The following DOCK1 variants were observed in gnomAD, a reference collection of about 807,000 sequenced individuals.
The protein encoded by DOCK1 is dedicator of cytokinesis 1.
A neutral mutation model predicts 262.7 loss-of-function variants in DOCK1; 138 were observed. The observed-to-expected ratio is 0.53, with a 90% CI of 0.46 to 0.61. The LOEUF is 0.61. Among genes scored for constraint, DOCK1 ranks in the 20% least tolerant of loss-of-function variants. The probability of loss-of-function intolerance (pLI) is 0.00; values close to 1 mark genes in which losing one functional copy is unlikely to be tolerated. For missense variants in DOCK1, 1,908 were observed against 2,370.7 expected (o/e 0.80, Z 4.05); for synonymous variants, 866 against 867.4 (o/e 1.00, Z 0.03).
At chr10:126,916,607 G>T (rs570541588) in intron 1 of DOCK1, among the ~76,000 whole-genome samples, 3 of 152,026 alleles carry the variant, frequency 2.0e-5, no homozygotes, top group Non-Finnish European at 2.9e-5. Flanking sequence ...ACTCTGCCTC[G>T]AAATAACTCA....
intron 23 of DOCK1, among the ~76,000 whole-genome samples, 174 bp from the exon 24 acceptor site, chr10:127,106,057 G>A (rs902582620): frequency 2.0e-5 from 3 of 152,134 alleles, no homozygotes; most frequent in Admixed American, 6.5e-5. Context: ...GAGCCACTGC[G>A]CCTGATGACT....
intron 23 of DOCK1, among the ~76,000 whole-genome samples, chr10:127,080,865 G>A (rs1374761874): frequency 6.6e-6 from 1 of 152,098 alleles, no homozygotes; most frequent in African/African-American, 2.4e-5. Context: ...ATTTGCCTCT[G>A]TACTCTCCGC....
At chr10:127,115,120 G>A (rs2049103716) in intron 25 of DOCK1, among the ~76,000 whole-genome samples, 1 of 152,128 alleles carries the variant, frequency 6.6e-6, no homozygotes, top group Non-Finnish European at 1.5e-5. Flanking sequence ...TGCCATCACA[G>A]CATTCCATTT....
At chr10:127,427,875 G>A (rs1290108316) in intron 47 of DOCK1, among the ~76,000 whole-genome samples, 1 of 152,238 alleles carries the variant, frequency 6.6e-6, no homozygotes, top group Admixed American at 6.5e-5. Context: ...AGGCCCAGCA[G>A]GGCTTGAACC....
At chr10:126,941,635 A>G (rs931972238) in intron 1 of DOCK1, among the ~76,000 whole-genome samples, 29 of 152,238 alleles carry the variant, frequency 1.9e-4, no homozygotes, top group Non-Finnish European at 3.4e-4. Context: ...GGGTGCCTGT[A>G]GTCCCGCTAC....
chr10:127,337,832 G>A (rs187676219), intron 29 of DOCK1, among the ~76,000 whole-genome samples: 38 of 152,326 alleles, frequency 2.5e-4, no homozygotes, highest in Middle Eastern at 3.4e-3. Context: ...TAATGTCTGC[G>A]AATCCCTTTC....
chr10:127,282,155 C>A (rs1564962371), intron 29 of DOCK1, among the ~76,000 whole-genome samples: 1 of 152,134 alleles, frequency 6.6e-6, no homozygotes, highest in Non-Finnish European at 1.5e-5. Context: ...GACAGAAGAA[C>A]TTGCAGCTTT....
intron 30 of DOCK1, among the ~76,000 whole-genome samples, chr10:127,340,396 G>GT (rs934506194): frequency 2.0e-5 from 3 of 151,630 alleles, no homozygotes; most frequent in Non-Finnish European, 4.4e-5. Flanking sequence ...GCCTGTGTGT[G>GT]TTTTTTTTCA....
chr10:127,373,440 T>C (rs2065315822), intron 33 of DOCK1, among the ~76,000 whole-genome samples: 1 of 152,172 alleles, frequency 6.6e-6, no homozygotes, highest in African/African-American at 2.4e-5. Context: ...ATGTTACGTG[T>C]TTGTAGAGAT....
At chr10:127,406,612 C>T (rs967023795) in intron 40 of DOCK1, among the ~76,000 whole-genome samples, 1 of 152,184 alleles carries the variant, frequency 6.6e-6, no homozygotes, top group African/African-American at 2.4e-5. Flanking sequence ...AACTGACTAG[C>T]TGTCCCTTTT....
chr10:126,953,032 G>A (rs1246109090), intron 1 of DOCK1, among the ~76,000 whole-genome samples: 1 of 151,738 alleles, frequency 6.6e-6, no homozygotes, highest in Non-Finnish European at 1.5e-5. Context: ...TGGTGCTGCT[G>A]GTGGTGGTAG....
chr10:127,436,756 T>G (rs1179283595), intron 48 of DOCK1, among the ~76,000 whole-genome samples: 1 of 152,178 alleles, frequency 6.6e-6, no homozygotes, highest in East Asian at 1.9e-4. Flanking sequence ...TTATATAAAC[T>G]ATAGTAATAT....
At chr10:127,010,405 T>C (rs2041337834) in intron 11 of DOCK1, among the ~76,000 whole-genome samples, 1 of 152,210 alleles carries the variant, frequency 6.6e-6, no homozygotes, top group South Asian at 2.1e-4. Context: ...AGGCAGAGGT[T>C]GCAATGAGCC....
At chr10:127,149,272 AGAGAAGCTC>A (rs2052230715) in intron 27 of DOCK1, among the ~76,000 whole-genome samples, 1 of 150,186 alleles carries the variant, frequency 6.7e-6, no homozygotes, top group African/African-American at 2.4e-5. Flanking sequence ...GAGAGAGGGC[AGAGAAGCTC>A]AGCCCTAACC....
intron 27 of DOCK1, among the ~76,000 whole-genome samples, chr10:127,196,605 C>T (rs12248248): frequency 0.26 from 20,270 of 78,224 alleles, 1,739 homozygotes; most frequent in African/African-American, 0.36. Flanking sequence ...CCCCGCGGGG[C>T]GGAGGTGGGG....
intron 23 of DOCK1, among the ~76,000 whole-genome samples, chr10:127,103,134 T>C (rs922283590): frequency 3.1e-4 from 47 of 152,364 alleles, no homozygotes; most frequent in Admixed American, 2.6e-3. Flanking sequence ...TGGTTGGTGC[T>C]TCTTGTTACT....
At chr10:127,145,022 C>T (rs768240938) in intron 27 of DOCK1, among the ~76,000 whole-genome samples, 9 of 152,148 alleles carry the variant, frequency 5.9e-5, no homozygotes, top group South Asian at 2.1e-4. Flanking sequence ...TAGAGTTAGA[C>T]GATGAGCTGA....
At chr10:126,959,789 C>T (rs2134513837) in intron 1 of DOCK1, among the ~76,000 whole-genome samples, 1 of 152,248 alleles carries the variant, frequency 6.6e-6, no homozygotes, top group Non-Finnish European at 1.5e-5. Context: ...GTTGTCTTTG[C>T]TAGTCAAGAT....
chr10:127,257,693 G>A (rs756967978), intron 29 of DOCK1: 90 of 326,432 alleles, frequency 2.8e-4, no homozygotes, highest in Non-Finnish European at 3.3e-4. Context: ...TCCCCTAGCT[G>A]TCATCATGGG....
Sources: allele counts gnomAD v4.1 joint callset (sites outside exome capture counted in the v4.1 genomes callset), GRCh38; gene constraint gnomAD v4.1.1; transcripts MANE v1.5; gene names NCBI Gene and HGNC (gene_info 2026-07-23, HGNC 2026-07-21).